BRWD1: variants seen among roughly 807,000 people sequenced by gnomAD.
The protein encoded by BRWD1 is bromodomain and WD repeat domain containing 1.
In BRWD1, 82 loss-of-function variants were observed where a neutral mutation model predicts 251.2. The ratio of observed to expected loss-of-function variants is 0.33; its 90% CI spans 0.27 to 0.39. The LOEUF is 0.39. BRWD1 is among the 10% of genes least tolerant of loss of function. The pLI, the probability that BRWD1 is intolerant of heterozygous loss-of-function variation, is 1.00. For synonymous variants in BRWD1, 918 were observed against 902.8 expected (o/e 1.02, Z -0.30); for missense variants, 2,233 against 2,711.6 (o/e 0.82, Z 3.92).
chr21:39,312,180 A>G (rs967579440), intron 4 of BRWD1, among the ~76,000 whole-genome samples: 13 of 152,330 alleles, frequency 8.5e-5, no homozygotes, highest in African/African-American at 2.6e-4. Flanking sequence ...TGCAAGATTA[A>G]CCGAGCTCAA....
chr21:39,217,112 C>CTTTTTTTT (rs2032986087), intron 31 of BRWD1: 1 of 88,416 alleles, frequency 1.1e-5, no homozygotes, highest in African/African-American at 4.4e-5. Context: ...TTTTTAATTG[C>CTTTTTTTT]TTAGACAGGG....
intron 21 of BRWD1, among the ~76,000 whole-genome samples, 174 bp downstream of exon 21, chr21:39,247,527 T>C (rs1334588288): frequency 6.6e-6 from 1 of 152,264 alleles, no homozygotes; most frequent in Non-Finnish European, 1.5e-5. Flanking sequence ...GTATACAGTA[T>C]GTGACTATCT....
At chr21:39,268,912 C>T (rs965861216) in intron 15 of BRWD1, among the ~76,000 whole-genome samples, 2 of 152,006 alleles carry the variant, frequency 1.3e-5, no homozygotes, top group African/African-American at 2.4e-5. Flanking sequence ...AGCGTGAACC[C>T]GGGAGGCGGA....
intron 8 of BRWD1, among the ~76,000 whole-genome samples, chr21:39,280,478 T>G (rs1000471101): frequency 2.0e-5 from 3 of 152,032 alleles, no homozygotes; most frequent in Non-Finnish European, 4.4e-5. Context: ...CCAGAAAAAC[T>G]TTAACAAGGT....
Position 39,196,375 on chromosome 21 carries a change from G to T in BRWD1, c.6694C>A (p.Leu2232Ile), listed in dbSNP as rs1296946489. The change falls in exon 41 of 41, where the codon CTT (leucine) becomes ATT (isoleucine). Residue 2232 changes from leucine (L) to isoleucine (I), a missense_variant. Coordinates refer to ENST00000342449, the MANE Select transcript of BRWD1 (RefSeq NM_033656.4). Reference protein sequence around the residue: ...DLDYAKSKRVLRRSKIKTRNQ... With the variant: ...DLDYAKSKRVIRRSKIKTRNQ... The stretch of plus-strand genomic sequence containing the variant: ...CTCGTTTTTATTTTTGAACGTCGAA[G>T]AACTCTTTTAGATTTTGCATAGTCC... The T allele has an allele frequency of 6.2e-7, 1 of 1,613,476 alleles. No homozygotes were observed. The highest frequency in any genetic ancestry group is 1.7e-5 in the Admixed American group (1 of 59,968).
At chr21:39,271,464 C>T (rs988140146) in intron 13 of BRWD1, among the ~76,000 whole-genome samples, 1 of 151,576 alleles carries the variant, frequency 6.6e-6, no homozygotes, top group Non-Finnish European at 1.5e-5. Context: ...CCGAGGCAGG[C>T]GGATAACGAG....
rs1016463120 is a variant in BRWD1 at position 39,187,661 on chromosome 21, G to T, written c.*8598C>A. The T allele has an allele frequency of 4.1e-6, 4 of 985,266 alleles. No individual in the cohort carries two copies. The African/African-American group carries it at 7.0e-5, about 17-fold the overall frequency. The allele number at this position is 985,266 out of a possible 1,614,324, so 61.0% of individuals were successfully genotyped here. On this transcript the variant is annotated 3_prime_UTR_variant, in exon 41 of 41. Coordinates refer to ENST00000342449, the MANE Select transcript of BRWD1 (RefSeq NM_033656.4). ...CAGACTTGTAAGAATGGGGTGAAAA[G>T]TTCCTTCAGCATCGGCATCATAAAG...
intron 17 of BRWD1, among the ~76,000 whole-genome samples, 192 bp from the exon 18 acceptor site, chr21:39,258,864 T>C (rs1479295073): frequency 6.6e-6 from 1 of 152,170 alleles, no homozygotes; most frequent in Non-Finnish European, 1.5e-5. Flanking sequence ...AAAGTCTTCC[T>C]GTAGAGGACT....
At chr21:39,258,367 G>T in intron 18 of BRWD1, 120 bp downstream of exon 18, 1 of 870,910 alleles carries the variant, frequency 1.1e-6, no homozygotes, top group Non-Finnish European at 1.7e-6. Context: ...TACTAATTAA[G>T]TTGTAAAAAT....
intron 21 of BRWD1, among the ~76,000 whole-genome samples, chr21:39,240,681 T>C (rs2033957010): frequency 6.6e-6 from 1 of 152,186 alleles, no homozygotes. Flanking sequence ...ACTACATAAC[T>C]CTTAAAACAA....
chr21:39,287,057 T>G (rs542718210), intron 8 of BRWD1, among the ~76,000 whole-genome samples: 16 of 152,290 alleles, frequency 1.1e-4, no homozygotes, highest in African/African-American at 3.9e-4. Context: ...CATCATCACT[T>G]CAACCCTAAA....
rs1300972960 is a variant in BRWD1, at chr21:39,281,587, T to C, written c.832-1339A>G. 2.0e-5 allele frequency among the ~76,000 whole-genome samples: 3 copies of C among 152,094 alleles called. No homozygotes were observed. The East Asian group carries it at 5.8e-4, about 29-fold the overall frequency. ...ACACACGGCTGTGATCCCAGTACTA[T>C]GGGAGGCCAAGGCAGGCAGATCACT... On this transcript the variant is annotated intron_variant, in intron 8 of 40. Transcript: ENST00000342449.
chr21:39,218,801 T>A (rs2033057310), intron 29 of BRWD1, 141 bp from the exon 30 acceptor site: 2 of 610,550 alleles, frequency 3.3e-6, no homozygotes, highest in African/African-American at 3.9e-5. Context: ...GCAACTCTTT[T>A]AAAATTACTC....
At chr21:39,198,707 A>C in intron 40 of BRWD1, 56 bp downstream of exon 40, 1 of 1,456,292 alleles carries the variant, frequency 6.9e-7, no homozygotes, top group East Asian at 2.3e-5. Context: ...CAATGTGTGT[A>C]AGAGAAAAGG....
rs750413248 is a variant in BRWD1, at chr21:39,301,978, G to GTTTTT, written c.199-3401_199-3397dup. On this transcript the variant is annotated intron_variant, in intron 4 of 40. Coordinates refer to ENST00000342449, the MANE Select transcript of BRWD1 (RefSeq NM_033656.4). ...AAACCTTTGTTAAAAAGCTTTGTGT[G>GTTTTT]TTTTTTTTTTTTTTTTTTTTTTTTG... Among the ~76,000 whole-genome samples, 384 of 79,840 alleles carry GTTTTT rather than the reference G, an allele frequency of 4.8e-3. 19 individuals are homozygous for GTTTTT. The highest frequency in any genetic ancestry group is 5.8e-3 in the Non-Finnish European group (265 of 45,620). 52.4% of individuals were successfully genotyped at this position (79,840 alleles called of 152,430 possible).
At chr21:39,205,675 G>A (rs904530404) in intron 37 of BRWD1, among the ~76,000 whole-genome samples, 9 of 152,200 alleles carry the variant, frequency 5.9e-5, no homozygotes, top group Non-Finnish European at 1.3e-4. Flanking sequence ...AGGAGGCTGA[G>A]GCAGGAGAAC....
chr21:39,313,474 G>A lies in BRWD1; in HGVS notation c.18C>T (p.Ser6=), dbSNP rs2036590808. 1.5e-6 allele frequency: 2 copies of A among 1,346,458 alleles called. No individual in the cohort carries two copies. The highest frequency in any genetic ancestry group is 3.1e-5 in the East Asian group (1 of 32,236). The allele number at this position is 1,346,458 out of a possible 1,614,324, so 83.4% of individuals were successfully genotyped here. ...CGATGAGAGGCACCGGGCGTCGGGC[G>A]GACGACGGCTCCGCCATGGCCGGGC... The part of the protein sequence containing the change: MAEPS[S]ARRPVPLIES... The change falls in exon 1 of 41, where the codon TCC becomes TCT. Residue 6 remains serine, a synonymous_variant. Coordinates refer to ENST00000342449, the MANE Select transcript of BRWD1 (RefSeq NM_033656.4).
chr21:39,265,120 T>TC, intron 15 of BRWD1, 101 bp from the exon 16 acceptor site: 2 of 1,130,256 alleles, frequency 1.8e-6, no homozygotes, highest in Non-Finnish European at 1.2e-6. Flanking sequence ...ATATCCCTTC[T>TC]GAAAAAAAAA....
Position 39,298,570 on chromosome 21 carries a change from T to A in BRWD1, c.211A>T (p.Lys71Ter). 1 of 1,597,144 alleles carries A rather than the reference T, an allele frequency of 6.3e-7. No individual in the cohort carries two copies. The highest frequency in any genetic ancestry group is 1.8e-5 in the Admixed American group (1 of 55,956). Residue 71 changes from lysine (K) to a stop codon, truncating the protein, a stop_gained, in exon 5 of 41, where the codon AAG becomes TAG. Coordinates refer to ENST00000342449, the MANE Select transcript of BRWD1 (RefSeq NM_033656.4). LOFTEE classifies it high-confidence loss of function. The stretch of plus-strand genomic sequence containing the variant: ...AAAAGATGATCAGGAGCCACATGCT[T>A]ATTGGACAAGACCTAGTTGGAGAGC... ...RSYEELVLSN[K>*]HVAPDHLLQI...
Sources: gnomAD v4.1 joint callset for allele counts (sites outside exome capture counted in the v4.1 genomes callset) on GRCh38, gnomAD v4.1.1 for gene constraint, MANE v1.5 for transcripts, NCBI Gene and HGNC (gene_info 2026-07-23, HGNC 2026-07-21) for gene names.